The following DNAH8 variants were observed in gnomAD, a reference collection of about 807,000 sequenced individuals.
The protein encoded by DNAH8 is axonemal beta dynein heavy chain 8.
In DNAH8, 382 loss-of-function variants were observed where a neutral mutation model predicts 562.1. The ratio of observed to expected loss-of-function variants is 0.68; its 90% confidence interval spans 0.63 to 0.74. The LOEUF is 0.74. Ranked by LOEUF, DNAH8 falls within the 30% of genes least tolerant of loss-of-function variation. The probability of loss-of-function intolerance (pLI) is 0.00; values close to 1 mark genes in which losing one functional copy is unlikely to be tolerated. For missense variants in DNAH8, 5,203 were observed against 5,620.4 expected (o/e 0.93, Z 2.37); for synonymous variants, 1,881 against 1,919.4 (o/e 0.98, Z 0.52).
Position 38,817,779 on chromosome 6 carries a change from T to C in DNAH8, c.3523+2122T>C, listed in dbSNP as rs1772421481. 2.0e-5 allele frequency among the ~76,000 whole-genome samples: 3 copies of C among 152,102 alleles called. No homozygotes were observed. The South Asian group carries it at 6.2e-4, about 32-fold the overall frequency. On this transcript the variant is annotated intron_variant, in intron 26 of 92. Transcript: ENST00000327475. ...TTGGAAAATCAGAGGCAAGAAGAGC[T>C]AGGGAAAAAGCATGTGGATGTATCT...
chr6:38,971,040 G>A (rs543792388), intron 82 of DNAH8, among the ~76,000 whole-genome samples: 1 of 152,178 alleles, frequency 6.6e-6, no homozygotes, highest in Non-Finnish European at 1.5e-5. Context: ...GCCCCTGAAT[G>A]TACCCGTCAC....
rs1297717339 is a variant in DNAH8, at chr6:38,866,681, T to C, written c.6585+4T>C. 3 of 1,610,472 alleles carry C rather than the reference T, an allele frequency of 1.9e-6. No homozygotes were observed. Among genetic ancestry groups the C allele is most frequent in the Non-Finnish European group, 2.5e-6 (3 of 1,178,024 alleles). ...TATGATGGTTCCTGATAGACAGGTA[T>C]GCACTAGGATTTAAAAGCATAATGT... On this transcript the variant is annotated splice_donor_region_variant and intron_variant, in intron 46 of 92. Transcript: ENST00000327475.
chr6:39,026,759 A>G, intron 92 of DNAH8, 92 bp downstream of exon 92: 3 of 1,417,300 alleles, frequency 2.1e-6, no homozygotes, highest in Non-Finnish European at 2.9e-6. Context: ...TGCCTTGGTT[A>G]GGTCCATTTG....
intron 82 of DNAH8, among the ~76,000 whole-genome samples, chr6:38,963,313 G>T (rs1762746924): frequency 9.8e-6 from 1 of 102,248 alleles, no homozygotes; most frequent in African/African-American, 3.9e-5. Flanking sequence ...TCATACACAT[G>T]CTGGAATTAT....
intron 62 of DNAH8, among the ~76,000 whole-genome samples, chr6:38,904,280 G>A (rs113830313): frequency 2.4e-4 from 36 of 152,256 alleles, no homozygotes; most frequent in African/African-American, 8.2e-4. Flanking sequence ...TCTGGTTCTG[G>A]AGATAGCAAT....
intron 88 of DNAH8, among the ~76,000 whole-genome samples, chr6:38,997,388 AT>A (rs1261154898): frequency 6.6e-6 from 1 of 152,178 alleles, no homozygotes; most frequent in African/African-American, 2.4e-5. Flanking sequence ...CTCCAGCAAG[AT>A]GTAACTCTCC....
At chr6:38,796,205 CCCAGCCCTTCCAGAG>C (rs2127664886) in intron 21 of DNAH8, among the ~76,000 whole-genome samples, 1 of 152,298 alleles carries the variant, frequency 6.6e-6, no homozygotes, top group East Asian at 1.9e-4. Context: ...CCCTGGCTTT[CCCAGCCCTTCCAGAG>C]CCAGCCCCGT....
intron 8 of DNAH8, among the ~76,000 whole-genome samples, chr6:38,746,208 G>A (rs1046708490): frequency 6.6e-6 from 1 of 151,930 alleles, no homozygotes; most frequent in Admixed American, 6.6e-5. Flanking sequence ...TAGCCTCATG[G>A]GTATTTATTT....
At chr6:38,995,246 A>C (rs1317607368) in intron 88 of DNAH8, among the ~76,000 whole-genome samples, 1 of 152,192 alleles carries the variant, frequency 6.6e-6, no homozygotes, top group Non-Finnish European at 1.5e-5. Flanking sequence ...AATTTTCTAC[A>C]GATAATCTGA....
chr6:38,787,352 AAGG>A (rs900926149), intron 18 of DNAH8, among the ~76,000 whole-genome samples: 1 of 152,134 alleles, frequency 6.6e-6, no homozygotes, highest in African/African-American at 2.4e-5. Context: ...GTGGGGCAAA[AAGG>A]AGCATTATTT....
Position 38,852,818 on chromosome 6 carries a change from ATTT to A in DNAH8, c.5571+25_5571+27del. ...ATTGTTGTAATTTACCTTGCTTTAAATTTTTTTATTAGAATTTCTTTAAAAACT... is the reference window on the plus strand; with the variant it reads ...ATTGTTGTAATTTACCTTGCTTTAAATTTTATTAGAATTTCTTTAAAAACT... On this transcript the variant is annotated intron_variant, in intron 40 of 92. Transcript: ENST00000327475. 6.3e-7 allele frequency: 1 copy of A among 1,576,224 alleles called. No individual in the cohort carries two copies. Among genetic ancestry groups the A allele is most frequent in the Non-Finnish European group, 8.7e-7 (1 of 1,147,648 alleles).
chr6:39,012,399 T>C (rs889917646), intron 90 of DNAH8, 32 bp downstream of exon 90: 4 of 1,608,230 alleles, frequency 2.5e-6, no homozygotes, highest in Non-Finnish European at 3.4e-6. Flanking sequence ...AGGCATTTCC[T>C]TCTTTGTTGA....
At chr6:38,729,240 A>AAACT (rs1400365084) in intron 3 of DNAH8, among the ~76,000 whole-genome samples, 4 of 146,584 alleles carry the variant, frequency 2.7e-5, no homozygotes, top group East Asian at 4.0e-4. Flanking sequence ...ACAAACAAAC[A>AAACT]AACTCTCACT....
At chr6:38,831,664 C>G (rs1412804636) in intron 30 of DNAH8, among the ~76,000 whole-genome samples, 1 of 152,148 alleles carries the variant, frequency 6.6e-6, no homozygotes, top group Admixed American at 6.5e-5. Flanking sequence ...TGAATCTTGA[C>G]TTTGCCTGAT....
Position 38,761,808 on chromosome 6 carries a change from G to A in DNAH8, c.1617+5G>A. ...GTTGTACTAAAGAAAATTCAGGTTT[G>A]TAGAAGTACTTTTATTTTCATAAAC... On this transcript the variant is annotated splice_donor_5th_base_variant and intron_variant, in intron 11 of 92. Transcript: ENST00000327475. The A allele has an allele frequency of 6.7e-7, 1 of 1,491,508 alleles. No individual in the cohort carries two copies. Among genetic ancestry groups the A allele is most frequent in the Non-Finnish European group, 9.0e-7 (1 of 1,106,102 alleles). 92.4% of individuals were successfully genotyped at this position (1,491,508 alleles called of 1,614,324 possible). A position where few individuals can be genotyped will look rare whatever the true frequency, so the allele number is the denominator to read the frequency against.
intron 62 of DNAH8, among the ~76,000 whole-genome samples, chr6:38,905,992 G>A (rs1780436420): frequency 6.6e-6 from 1 of 151,872 alleles, no homozygotes; most frequent in Non-Finnish European, 1.5e-5. Context: ...TGCAACCTCT[G>A]CCTCCCGGGT....
chr6:38,997,703 A>G (rs932743744), intron 88 of DNAH8, among the ~76,000 whole-genome samples: 4 of 152,154 alleles, frequency 2.6e-5, no homozygotes, highest in African/African-American at 9.7e-5. Context: ...GGAATCATTA[A>G]TTTATCTGAC....
At chr6:38,829,334 T>G (rs182183646) in intron 30 of DNAH8, among the ~76,000 whole-genome samples, 1 of 152,324 alleles carries the variant, frequency 6.6e-6, no homozygotes, top group African/African-American at 2.4e-5. Flanking sequence ...TTTTTTACTT[T>G]GATGAAGTCT....
At chr6:38,921,118 G>A (rs1781670426) in intron 70 of DNAH8, among the ~76,000 whole-genome samples, 2 of 151,932 alleles carry the variant, frequency 1.3e-5, no homozygotes, top group African/African-American at 2.4e-5. Flanking sequence ...TCTTGAACTG[G>A]GCTCAAGTGA....
Sources: allele counts gnomAD v4.1 joint callset (sites outside exome capture counted in the v4.1 genomes callset), GRCh38; gene constraint gnomAD v4.1.1; transcripts MANE v1.5; gene names NCBI Gene and HGNC (gene_info 2026-07-23, HGNC 2026-07-21).